Variants in CACNG3 observed in about 807,000 individuals in gnomAD.
The protein encoded by CACNG3 is voltage-dependent calcium channel gamma-3 subunit.
CACNG3 carries 3 observed loss-of-function variants against 28.5 expected under a neutral mutation model. The ratio of observed to expected loss-of-function variants is 0.11; its 90% CI spans 0.05 to 0.27. The LOEUF (loss-of-function observed/expected upper bound fraction) is 0.27. Among genes scored for constraint, CACNG3 ranks in the 10% least tolerant of loss-of-function variants. The pLI is 1.00. For synonymous variants in CACNG3, 174 were observed against 162.2 expected, an observed-to-expected ratio of 1.07 and a Z score of -0.55; for missense variants, 236 against 414.4, an observed-to-expected ratio of 0.57 and a Z score of 3.74.
At chr16:24,315,637 T>C (rs1899342122) in intron 1 of CACNG3, among the ~76,000 whole-genome samples, 2 of 151,510 alleles carry the variant, frequency 1.3e-5, no homozygotes, top group South Asian at 4.2e-4. Context: ...TCTCTCTTCC[T>C]TTCTCTCTCT....
chr16:24,312,959 A>ACGAAAGAAAGAG (rs1899290114), intron 1 of CACNG3, among the ~76,000 whole-genome samples: 1 of 139,624 alleles, frequency 7.2e-6, no homozygotes, highest in Non-Finnish European at 1.5e-5. Context: ...AAGAAAGAGA[A>ACGAAAGAAAGAG]AGAAAGAAAA....
chr16:24,302,267 G>T (rs559850310), intron 1 of CACNG3, among the ~76,000 whole-genome samples: 1 of 152,202 alleles, frequency 6.6e-6, no homozygotes, highest in South Asian at 2.1e-4. Context: ...TTCTCCAACA[G>T]CTTCCCCTGG....
chr16:24,317,955 T>G (rs1450198921), intron 1 of CACNG3, among the ~76,000 whole-genome samples: 1 of 152,168 alleles, frequency 6.6e-6, no homozygotes, highest in African/African-American at 2.4e-5. Context: ...GCTCTCCCGC[T>G]CATCTTAATG....
intron 1 of CACNG3, among the ~76,000 whole-genome samples, chr16:24,340,783 G>A (rs760054240): frequency 6.6e-6 from 1 of 152,148 alleles, no homozygotes; most frequent in Non-Finnish European, 1.5e-5. Context: ...GGGGTCCTGG[G>A]GTCTATGAAT....
At chr16:24,343,255 G>T (rs1285859629) in intron 1 of CACNG3, among the ~76,000 whole-genome samples, 1 of 151,980 alleles carries the variant, frequency 6.6e-6, no homozygotes, top group Non-Finnish European at 1.5e-5. Flanking sequence ...GCGTTTGCTG[G>T]TTCTAAGTCT....
At chr16:24,354,013 TG>T in intron 2 of CACNG3, among the ~76,000 whole-genome samples, 2 of 152,080 alleles carry the variant, frequency 1.3e-5, no homozygotes, top group African/African-American at 4.8e-5. Flanking sequence ...GGTAACTTGG[TG>T]AGATCCCATC....
At chr16:24,257,155 T>C (rs943019748) in intron 1 of CACNG3, among the ~76,000 whole-genome samples, 190 bp downstream of exon 1, 5 of 152,038 alleles carry the variant, frequency 3.3e-5, no homozygotes, top group Non-Finnish European at 5.9e-5. Flanking sequence ...GTCTTGTTGA[T>C]TGTTTTTAGT....
chr16:24,306,007 C>A (rs1039492615), intron 1 of CACNG3, among the ~76,000 whole-genome samples: 67 of 152,120 alleles, frequency 4.4e-4, no homozygotes, highest in African/African-American at 1.6e-3. Flanking sequence ...AAGTGATGGT[C>A]TCAGAGCTGA....
intron 1 of CACNG3, among the ~76,000 whole-genome samples, chr16:24,269,746 C>CAAAAAAAAAAAAAAAAAAAAAAGGAA (rs1163565728): frequency 1.4e-5 from 1 of 71,082 alleles, no homozygotes; most frequent in Non-Finnish European, 2.9e-5. Context: ...GACTCCATCT[C>CAAAAAAAAAAAAAAAAAAAAAAGGAA]AAAAAAAAAA....
In CACNG3 at chr16:24,282,496, C is replaced by T. The variant is rs1359584222; in HGVS notation, c.211+25531C>T. Reference sequence around the variant, plus strand: ...TTCACTCTGTTGGCCAGGATGATCTCGATCTGTTGACCTCGTGATCCGCCC... The same window carrying T: ...TTCACTCTGTTGGCCAGGATGATCTTGATCTGTTGACCTCGTGATCCGCCC... On this transcript the variant is annotated intron_variant, in intron 1 of 3. Coordinates refer to ENST00000005284, the MANE Select transcript of CACNG3 (RefSeq NM_006539.4). 2.0e-5 allele frequency among the ~76,000 whole-genome samples: 3 copies of T among 151,646 alleles called. No individual in the cohort carries two copies. In the East Asian group the frequency reaches 5.8e-4, roughly 29 times the overall value.
rs957771807 is a variant in CACNG3, at chr16:24,362,033, C to G, written c.*170C>G. 1.7e-6 allele frequency: 1 copy of G among 588,576 alleles called. No individual in the cohort carries two copies. Among genetic ancestry groups the G allele is most frequent in the Non-Finnish European group, 2.9e-6 (1 of 345,744 alleles). 36.5% of individuals were successfully genotyped at this position (588,576 alleles called of 1,614,324 possible). On this transcript the variant is annotated 3_prime_UTR_variant, in exon 4 of 4. Coordinates refer to ENST00000005284, the MANE Select transcript of CACNG3 (RefSeq NM_006539.4). Reference sequence around the variant, plus strand: ...TTTCCCCTCACCCTCCAAGTCCTAACCCCTCCATCCTCTCTAACTTTTCAA... The same window carrying G: ...TTTCCCCTCACCCTCCAAGTCCTAAGCCCTCCATCCTCTCTAACTTTTCAA...
chr16:24,317,267 C>T (rs1899364699), intron 1 of CACNG3, among the ~76,000 whole-genome samples: 1 of 152,046 alleles, frequency 6.6e-6, no homozygotes, highest in Non-Finnish European at 1.5e-5. Flanking sequence ...GCAAGCCGGA[C>T]TTGGTGGCTC....
At chr16:24,341,286 T>A (rs1470604048) in intron 1 of CACNG3, among the ~76,000 whole-genome samples, 1 of 152,266 alleles carries the variant, frequency 6.6e-6, no homozygotes, top group Non-Finnish European at 1.5e-5. Flanking sequence ...GATGCATGTA[T>A]GACATGGGTT....
At chr16:24,268,233 T>C (rs1294914387) in intron 1 of CACNG3, among the ~76,000 whole-genome samples, 1 of 152,212 alleles carries the variant, frequency 6.6e-6, no homozygotes, top group Non-Finnish European at 1.5e-5. Flanking sequence ...ACAGGCTAAA[T>C]TGAGCCTCAT....
intron 1 of CACNG3, among the ~76,000 whole-genome samples, chr16:24,257,371 GAGAGAGAGAGA>G (rs1567427540): frequency 2.6e-3 from 23 of 8,788 alleles, no homozygotes; most frequent in African/African-American, 9.3e-3. Context: ...TGAGGGGGGA[GAGAGAGAGAGA>G]GAGAGAGAGA....
At chr16:24,305,340 G>A (rs1394105109) in intron 1 of CACNG3, among the ~76,000 whole-genome samples, 18 of 149,658 alleles carry the variant, frequency 1.2e-4, no homozygotes, top group African/African-American at 4.4e-4. Flanking sequence ...GTGTGTGTGT[G>A]TGTGTGTGTG....
intron 1 of CACNG3, among the ~76,000 whole-genome samples, chr16:24,298,875 A>C (rs1327997459): frequency 6.6e-6 from 1 of 152,168 alleles, no homozygotes; most frequent in Non-Finnish European, 1.5e-5. Context: ...TGTTTTGCTC[A>C]TGATTACATG....
chr16:24,325,428 C>T (rs1215144474), intron 1 of CACNG3, among the ~76,000 whole-genome samples: 1 of 152,228 alleles, frequency 6.6e-6, no homozygotes, highest in Admixed American at 6.5e-5. Context: ...TTCTCCCACA[C>T]TCCTGAGATC....
chr16:24,283,098 A>C (rs1486356603), intron 1 of CACNG3, among the ~76,000 whole-genome samples: 1 of 151,984 alleles, frequency 6.6e-6, no homozygotes, highest in East Asian at 1.9e-4. Context: ...TCGATCGCCT[A>C]ACCTTGTGAT....
Sources: gnomAD v4.1 joint callset for allele counts (sites outside exome capture counted in the v4.1 genomes callset) on GRCh38, gnomAD v4.1.1 for gene constraint, MANE v1.5 for transcripts, NCBI Gene and HGNC (gene_info 2026-07-23, HGNC 2026-07-21) for gene names.